Variants in CASP6 observed in about 807,000 individuals in gnomAD.
The protein encoded by CASP6 is caspase-6.
In CASP6, 20 loss-of-function variants were observed where a neutral mutation model predicts 31.8. The observed-to-expected ratio is 0.63, with a 90% CI of 0.44 to 0.91. CASP6 has a LOEUF of 0.91. Among genes scored for constraint, CASP6 ranks in the 40% least tolerant of loss-of-function variants. The probability of loss-of-function intolerance (pLI) is 0.00; values close to 1 mark genes in which losing one functional copy is unlikely to be tolerated. For synonymous variants in CASP6, 130 were observed against 127.8 expected, an observed-to-expected ratio of 1.02 and a Z score of -0.12; for missense variants, 328 against 361.1, an observed-to-expected ratio of 0.91 and a Z score of 0.74.
At chr4:109,693,090 T>C (rs1194998440) in intron 5 of CASP6, among the ~76,000 whole-genome samples, 2 of 151,996 alleles carry the variant, frequency 1.3e-5, no homozygotes, top group African/African-American at 2.4e-5. Context: ...CTTAAGAGAG[T>C]CTGGGACCTC....
In CASP6 at chr4:109,696,781, G is replaced by GTT. The variant is rs757024540; in HGVS notation, c.231-297_231-296dup. Among the ~76,000 whole-genome samples the GTT allele has an allele frequency of 7.8e-3, 994 of 126,682 alleles. 16 individuals are homozygous for GTT. The highest frequency in any genetic ancestry group is 0.018 in the African/African-American group (585 of 33,134). The allele number at this position is 126,682 out of a possible 152,430, so 83.1% of individuals were successfully genotyped here. Reference sequence around the variant, plus strand: ...AGAGTAAGGAAAATAACTCAGGCAAGTTTTTTTTTTTTTTTTTTTTTTGAG... The same window carrying GTT: ...AGAGTAAGGAAAATAACTCAGGCAAGTTTTTTTTTTTTTTTTTTTTTTTTGAG... On this transcript the variant is annotated intron_variant, in intron 3 of 6. Transcript: ENST00000265164.
chr4:109,696,635 C>T (rs897445871), intron 3 of CASP6, 149 bp from the exon 4 acceptor site: 1 of 569,524 alleles, frequency 1.8e-6, no homozygotes, highest in African/African-American at 1.9e-5. Flanking sequence ...GGTGGTTTTC[C>T]CTTCATTCAC....
chr4:109,689,653 T>G (rs1318382369), intron 6 of CASP6, 85 bp from the exon 7 acceptor site: 1 of 1,249,204 alleles, frequency 8.0e-7, no homozygotes, highest in Non-Finnish European at 1.1e-6. Flanking sequence ...GAAGTATAAG[T>G]TCTTAAAAAT....
upstream of CASP6, among the ~76,000 whole-genome samples, chr4:109,705,694 T>C (rs1730578500): frequency 1.3e-5 from 2 of 151,826 alleles, no homozygotes; most frequent in South Asian, 4.2e-4. Context: ...TAAAAGTACA[T>C]GTATCAGCCA....
chr4:109,678,130 G>T, the CASP6 span, among the ~76,000 whole-genome samples: 1 of 151,968 alleles, frequency 6.6e-6, no homozygotes, highest in Non-Finnish European at 1.5e-5. Flanking sequence ...GCACGGGGTT[G>T]GGGGTAAGGT....
At chr4:109,674,008 A>G in the CASP6 span, 18 of 1,202,560 alleles carry the variant, frequency 1.5e-5, no homozygotes, top group Admixed American at 3.4e-5. Context: ...AAATACTAAA[A>G]TGTCCATTCA....
the CASP6 span, among the ~76,000 whole-genome samples, chr4:109,675,397 A>G: frequency 1.3e-5 from 2 of 152,214 alleles, no homozygotes; most frequent in Non-Finnish European, 2.9e-5. Flanking sequence ...TTTTGTCAAC[A>G]CTGCCCCCCT....
chr4:109,704,983 G>C, upstream of CASP6, among the ~76,000 whole-genome samples: 1 of 152,172 alleles, frequency 6.6e-6, no homozygotes, highest in East Asian at 1.9e-4. Flanking sequence ...GGGATTACAG[G>C]TGTGAGCCAC....
downstream of CASP6, chr4:109,685,269 G>C (rs1055357772): frequency 4.1e-5 from 60 of 1,476,092 alleles, no homozygotes; most frequent in Non-Finnish European, 5.2e-5. Context: ...TTACTCAGCT[G>C]TTAAGAGTAG....
intron 3 of CASP6, among the ~76,000 whole-genome samples, chr4:109,697,273 TTTTA>T (rs1730275844): frequency 6.6e-6 from 1 of 152,096 alleles, no homozygotes; most frequent in South Asian, 2.1e-4. Flanking sequence ...AAAAAAATTA[TTTTA>T]TTTTTTATTT....
chr4:109,694,775 T>A, intron 4 of CASP6, 75 bp from the exon 5 acceptor site: 1 of 1,337,020 alleles, frequency 7.5e-7, no homozygotes, highest in Non-Finnish European at 1.0e-6. Context: ...TTCAGTTTAT[T>A]AACACAAGAA....
At chr4:109,665,614 C>T in the CASP6 span, among the ~76,000 whole-genome samples, 1 of 152,166 alleles carries the variant, frequency 6.6e-6, no homozygotes, top group African/African-American at 2.4e-5. Context: ...ATACCTAAGA[C>T]AGTGTAAATG....
At chr4:109,697,505 G>C in intron 3 of CASP6, 117 bp downstream of exon 3, 2 of 1,161,366 alleles carry the variant, frequency 1.7e-6, no homozygotes, top group Non-Finnish European at 2.4e-6. Context: ...TGCCTTAAGT[G>C]ATCCTCCCAC....
the CASP6 span, among the ~76,000 whole-genome samples, chr4:109,677,957 C>G: frequency 6.6e-6 from 1 of 151,532 alleles, no homozygotes; most frequent in African/African-American, 2.4e-5. Context: ...AGGCAGAGGT[C>G]CCTGCGGCCT....
the CASP6 span, among the ~76,000 whole-genome samples, chr4:109,668,586 C>T: frequency 1.8e-4 from 27 of 152,146 alleles, no homozygotes; most frequent in African/African-American, 6.3e-4. Flanking sequence ...TTTTGACCCA[C>T]TCTGACAAGC....
the CASP6 span, among the ~76,000 whole-genome samples, chr4:109,665,736 G>A: frequency 6.6e-6 from 1 of 152,016 alleles, no homozygotes; most frequent in Non-Finnish European, 1.5e-5. Context: ...GGTTGGTTGA[G>A]TTCACAGATG....
chr4:109,678,351 C>G, the CASP6 span, among the ~76,000 whole-genome samples: 4 of 152,222 alleles, frequency 2.6e-5, no homozygotes, highest in Non-Finnish European at 5.9e-5. Flanking sequence ...GTTGGGTACA[C>G]CTCCCAGGTG....
rs1019298454 is a variant in CASP6 at position 109,689,135 on chromosome 4, C to G, written c.*195G>C. On this transcript the variant is annotated 3_prime_UTR_variant, in exon 7 of 7. Transcript: ENST00000265164. The stretch of plus-strand genomic sequence containing the variant: ...GGATTGCAGGCATGCGCCGCCATGC[C>G]TAGCTAAATTTTTTTTTGCATTTTT... 1.2e-5 allele frequency: 6 copies of G among 497,302 alleles called. No individual in the cohort carries two copies. Among genetic ancestry groups the G allele is most frequent in the African/African-American group, 1.9e-5 (1 of 51,908 alleles). The allele number at this position is 497,302 out of a possible 1,614,324, so 30.8% of individuals were successfully genotyped here.
chr4:109,691,907 A>C (rs1730068958), intron 5 of CASP6: 2 of 152,174 alleles, frequency 1.3e-5, no homozygotes, highest in Admixed American at 1.3e-4. Context: ...AGAAGAAACC[A>C]ATCCTCCCCA....
Sources: allele counts gnomAD v4.1 joint callset (sites outside exome capture counted in the v4.1 genomes callset), GRCh38; gene constraint gnomAD v4.1.1; transcripts MANE v1.5; gene names NCBI Gene and HGNC (gene_info 2026-07-23, HGNC 2026-07-21).